The following RUVBL1 variants were observed in gnomAD, a reference collection of about 807,000 sequenced individuals.
RUVBL1 encodes the protein ruvB-like 1.
A neutral mutation model predicts 52.4 loss-of-function variants in RUVBL1; 4 were observed. The ratio of observed to expected loss-of-function variants is 0.08; its 90% CI spans 0.04 to 0.17. RUVBL1 has a LOEUF of 0.17. Among genes scored for constraint, RUVBL1 ranks in the 10% least tolerant of loss-of-function variants. RUVBL1 has a pLI of 1.00. For missense variants in RUVBL1, 298 were observed against 572.8 expected, an observed-to-expected ratio of 0.52 and a Z score of 4.90; for synonymous variants, 217 against 214.4, an observed-to-expected ratio of 1.01 and a Z score of -0.10.
At chr3:128,150,739 CTATATTATATATTCTCTATATATTCTA>C (rs1559841267) in intron 1 of RUVBL1, among the ~76,000 whole-genome samples, 111 of 98,970 alleles carry the variant, frequency 1.1e-3, no homozygotes, top group African/African-American at 3.4e-3. Context: ...TATATATATT[CTATATTATATATTCTCTATATATTCTA>C]TATATTATAT....
In RUVBL1 at chr3:128,104,814, T is replaced by G. The variant is rs770866626; in HGVS notation, c.472A>C (p.Ile158Leu). ...GGYGKTISHVIIGLKTAKGTK... is the reference protein window; with the variant it reads ...GGYGKTISHVLIGLKTAKGTK... Reference sequence around the variant, plus strand: ...CCTTTGGCTGTTTTGAGTCCTATGATCACATGGCTAATGGTTTTGCCATAT... The same window carrying G: ...CCTTTGGCTGTTTTGAGTCCTATGAGCACATGGCTAATGGTTTTGCCATAT... Residue 158 changes from isoleucine (I) to leucine (L), a missense_variant, in exon 4 of 11, where the codon ATC (isoleucine) becomes CTC (leucine). This residue lies in a region of RUVBL1 where 58 missense variants were observed against 83.2 expected (regional missense o/e 0.70). Coordinates refer to ENST00000322623, the MANE Select transcript of RUVBL1 (RefSeq NM_003707.3). 6.2e-7 allele frequency: 1 copy of G among 1,613,242 alleles called. No homozygotes were observed. Among genetic ancestry groups the G allele is most frequent in the South Asian group, 1.1e-5 (1 of 91,062 alleles).
At chr3:128,153,250 G>A (rs1435926006) in exon 1 of RUVBL1, 22 of 1,341,208 alleles carry the variant, frequency 1.6e-5, no homozygotes, top group Non-Finnish European at 1.8e-5. Flanking sequence ...CCTCCATCTC[G>A]GGCTCCTAGA....
At chr3:128,150,373 C>T (rs2107740374) in intron 1 of RUVBL1, among the ~76,000 whole-genome samples, 1 of 151,856 alleles carries the variant, frequency 6.6e-6, no homozygotes, top group South Asian at 2.1e-4. Context: ...GCCCAGGCTA[C>T]AGACTCTCAG....
intron 8 of RUVBL1, among the ~76,000 whole-genome samples, chr3:128,096,817 ACT>A (rs1459105054): frequency 1.3e-5 from 2 of 149,660 alleles, no homozygotes; most frequent in African/African-American, 2.5e-5. Flanking sequence ...ACACAGTGAG[ACT>A]CTGTCCCCAA....
chr3:128,144,366 C>A (rs1357142150), intron 1 of RUVBL1, among the ~76,000 whole-genome samples: 1 of 152,182 alleles, frequency 6.6e-6, no homozygotes, highest in Non-Finnish European at 1.5e-5. Context: ...TTGTAAAGAA[C>A]TTTGAACTAC....
At chr3:128,078,879 C>T (rs1942399636), downstream of RUVBL1, 1 of 152,210 alleles carries the variant, frequency 6.6e-6, no homozygotes, top group African/African-American at 2.4e-5. Flanking sequence ...AATAATCCCA[C>T]CTTCCTACCT....
At chr3:128,122,101 G>C (rs909641948) in intron 1 of RUVBL1, among the ~76,000 whole-genome samples, 2 of 152,162 alleles carry the variant, frequency 1.3e-5, no homozygotes, top group Non-Finnish European at 2.9e-5. Flanking sequence ...CATGCACTCT[G>C]GGTTTAAATA....
In RUVBL1 at chr3:128,118,726, C is replaced by A. The variant is rs1943579842; in HGVS notation, c.228+602G>T. On this transcript the variant is annotated intron_variant, in intron 2 of 10. Coordinates refer to ENST00000322623, the MANE Select transcript of RUVBL1 (RefSeq NM_003707.3). The stretch of plus-strand genomic sequence containing the variant: ...GGGAAAATGTCAAGTCTCAACCCTT[C>A]CAGCTGTACCAGCCCACAGTGCTGC... 2.0e-5 allele frequency among the ~76,000 whole-genome samples: 3 copies of A among 152,200 alleles called. No homozygotes were observed. In the South Asian group the frequency reaches 6.2e-4, roughly 31 times the overall value.
intron 1 of RUVBL1, among the ~76,000 whole-genome samples, chr3:128,144,875 C>T (rs745787618): frequency 1.3e-5 from 2 of 152,198 alleles, no homozygotes; most frequent in Non-Finnish European, 2.9e-5. Context: ...TCATGACCCA[C>T]ACCTGGCTAG....
chr3:128,145,452 C>T (rs1944089677), intron 1 of RUVBL1, among the ~76,000 whole-genome samples: 1 of 152,216 alleles, frequency 6.6e-6, no homozygotes, highest in Non-Finnish European at 1.5e-5. Context: ...AAAAGCATGA[C>T]TGTGCAGAAC....
chr3:128,104,528 C>T (rs1943179042), intron 4 of RUVBL1, among the ~76,000 whole-genome samples: 1 of 152,210 alleles, frequency 6.6e-6, no homozygotes, highest in Non-Finnish European at 1.5e-5. Flanking sequence ...ACACAGCTCA[C>T]ATTTTAACAT....
At chr3:128,077,148 A>T (rs1576435127), downstream of RUVBL1, among the ~76,000 whole-genome samples, 1 of 151,874 alleles carries the variant, frequency 6.6e-6, no homozygotes, top group East Asian at 1.9e-4. Flanking sequence ...ACGCGCGCTG[A>T]TGGCCGCCCA....
chr3:128,068,198 AT>A (rs1942041833), intron 9 of RUVBL1: 1 of 650,290 alleles, frequency 1.5e-6, no homozygotes, highest in Non-Finnish European at 2.7e-6. Flanking sequence ...ATTAAATGTT[AT>A]ATATTTATAA....
chr3:128,136,269 A>G (rs561546780), intron 1 of RUVBL1, among the ~76,000 whole-genome samples: 2 of 152,226 alleles, frequency 1.3e-5, no homozygotes, highest in South Asian at 4.2e-4. Context: ...CTTACTTATC[A>G]GTAATAATAG....
chr3:128,103,863 A>G (rs1283579329), intron 4 of RUVBL1, among the ~76,000 whole-genome samples: 1 of 152,254 alleles, frequency 6.6e-6, no homozygotes, highest in African/African-American at 2.4e-5. Context: ...CCTGACACAT[A>G]CAATAAATGA....
downstream of RUVBL1, among the ~76,000 whole-genome samples, chr3:128,076,380 A>AG (rs1942326757): frequency 2.0e-5 from 3 of 151,654 alleles, no homozygotes; most frequent in South Asian, 2.1e-4. This position sits in a 1 kb window ranked among gnomAD's most constrained non-coding sequence, Gnocchi z 6.8. Flanking sequence ...AAAGGAGCAC[A>AG]GGGGGGCGGC....
At chr3:128,138,559 A>G (rs1437481346) in intron 1 of RUVBL1, among the ~76,000 whole-genome samples, 2 of 152,166 alleles carry the variant, frequency 1.3e-5, no homozygotes, top group Non-Finnish European at 2.9e-5. Flanking sequence ...AAGAGGCCAC[A>G]AAAAATGAAA....
chr3:128,124,568 T>C (rs1200370700), upstream of RUVBL1, among the ~76,000 whole-genome samples: 1 of 152,210 alleles, frequency 6.6e-6, no homozygotes, highest in African/African-American at 2.4e-5. Context: ...GGTTTCATAA[T>C]GATATTAGCA....
chr3:128,078,118 C>A (rs1942380574), downstream of RUVBL1, among the ~76,000 whole-genome samples: 1 of 152,230 alleles, frequency 6.6e-6, no homozygotes, highest in South Asian at 2.1e-4. Context: ...GCAGGGCCTT[C>A]TTGGGGTACC....
Sources: gnomAD v4.1 joint callset for allele counts (sites outside exome capture counted in the v4.1 genomes callset) on GRCh38, gnomAD v4.1.1 for gene constraint, gnomAD v4.1.1 regional missense constraint, Gnocchi (gnomAD v3.1) non-coding constraint, MANE v1.5 for transcripts, NCBI Gene and HGNC (gene_info 2026-07-23, HGNC 2026-07-21) for gene names.